PHRF1: variants seen among roughly 807,000 people sequenced by gnomAD.
PHRF1 encodes the protein PHD and RING finger domain-containing protein 1.
PHRF1 carries 53 observed loss-of-function variants against 128.9 expected under a neutral mutation model. The observed-to-expected ratio is 0.41, with a 90% confidence interval of 0.33 to 0.52. The LOEUF is 0.52. PHRF1 is among the 20% of genes least tolerant of loss of function. PHRF1 has a pLI of 0.21. For missense variants in PHRF1, 2,503 were observed against 2,284.5 expected (o/e 1.10, Z -1.95); for synonymous variants, 1,178 against 980.6 (o/e 1.20, Z -3.76).
At chr11:592,463 G>A in intron 5 of PHRF1, 96 bp from the exon 6 acceptor site, 3 of 1,220,118 alleles carry the variant, frequency 2.5e-6, no homozygotes, top group Admixed American at 3.4e-5. Flanking sequence ...TGAATCTAAG[G>A]CAATGGGTGG....
chr11:606,372 G>T, intron 12 of PHRF1, 70 bp from the exon 13 acceptor site: 1 of 1,469,582 alleles, frequency 6.8e-7, no homozygotes, highest in South Asian at 1.3e-5. Flanking sequence ...CTGCTGCGGG[G>T]CTCTGCCTGG....
chr11:583,406 A>G (rs1165723725), intron 3 of PHRF1, among the ~76,000 whole-genome samples: 2 of 151,290 alleles, frequency 1.3e-5, no homozygotes, highest in Non-Finnish European at 2.9e-5. Context: ...AATCCCCACT[A>G]CTCAGGAGGC....
chr11:607,317 G>C lies in PHRF1; in HGVS notation c.1861G>C (p.Val621Leu). ...GGCTCGGAACTTGTCAAATGGGAGT[G>C]TGCCTGGCTTCAGACAGAGCCACAG... Reference protein sequence around the residue: ...VQARNLSNGSVPGFRQSHSPW... With the variant: ...VQARNLSNGSLPGFRQSHSPW... The change falls in exon 14 of 18, where the codon GTG (valine) becomes CTG (leucine). Residue 621 changes from valine (V) to leucine (L), a missense_variant. Transcript: ENST00000264555. The C allele has an allele frequency of 6.2e-7, 1 of 1,612,704 alleles. No individual in the cohort carries two copies. The highest frequency in any genetic ancestry group is 1.1e-5 in the South Asian group (1 of 91,088).
intron 3 of PHRF1, among the ~76,000 whole-genome samples, chr11:585,744 G>A (rs111688385): frequency 2.0e-4 from 30 of 147,372 alleles, no homozygotes; most frequent in Middle Eastern, 3.3e-3. Context: ...GCAGCAGCAC[G>A]ATCTCAGTTC....
At chr11:598,827 C>T (rs907917724) in intron 9 of PHRF1, among the ~76,000 whole-genome samples, 3 of 152,224 alleles carry the variant, frequency 2.0e-5, no homozygotes, top group Non-Finnish European at 4.4e-5. Context: ...TGTCAGAATA[C>T]GCCCTGAAGC....
At chr11:586,273 G>A (rs892640052) in intron 3 of PHRF1, among the ~76,000 whole-genome samples, 5 of 152,090 alleles carry the variant, frequency 3.3e-5, no homozygotes, top group Admixed American at 6.6e-5. Flanking sequence ...GATTACAGGC[G>A]TGAGCCACCA....
intron 11 of PHRF1, 36 bp from the exon 12 acceptor site, chr11:605,569 T>A: frequency 6.2e-7 from 1 of 1,604,232 alleles, no homozygotes; most frequent in Non-Finnish European, 8.5e-7. Context: ...GAGCTGGGAG[T>A]CACTTGTTCC....
intron 8 of PHRF1, among the ~76,000 whole-genome samples, 179 bp from the exon 9 acceptor site, chr11:598,194 C>A (rs1033077895): frequency 1.3e-5 from 2 of 152,188 alleles, no homozygotes; most frequent in African/African-American, 4.8e-5. Context: ...CGTGGGAGTG[C>A]TTGGCAGCCT....
intron 4 of PHRF1, among the ~76,000 whole-genome samples, chr11:589,563 C>T (rs753601819): frequency 1.1e-4 from 11 of 101,650 alleles, no homozygotes; most frequent in African/African-American, 2.9e-4. Flanking sequence ...TAGAAGAGGC[C>T]TGGACACACT....
In PHRF1 at chr11:605,145, C is replaced by A. The variant is rs374487395; in HGVS notation, c.1179C>A (p.Ile393=). Residue 393 remains isoleucine, a synonymous_variant, in exon 11 of 18, where the codon ATC becomes ATA. Coordinates refer to ENST00000264555, the MANE Select transcript of PHRF1 (RefSeq NM_001286581.2). ...VKSEATTRSR[I]ARTLGLRRPV... is the part of the protein sequence containing the mutation. ...GTGAAGCCACCACTCGCTCTCGAATCGCGCGGACGCTGGGCCTGCGCAGGC... is the reference window on the plus strand; with the variant it reads ...GTGAAGCCACCACTCGCTCTCGAATAGCGCGGACGCTGGGCCTGCGCAGGC... The A allele has an allele frequency of 5.6e-6, 9 of 1,612,016 alleles. No homozygotes were observed. The African/African-American group carries it at 9.3e-5, about 17-fold the overall frequency.
At position 583,106 on chromosome 11, in the gene PHRF1, C is replaced by T. The variant is rs958193551; in HGVS notation, c.214+1025C>T. On this transcript the variant is annotated intron_variant, in intron 3 of 17. Transcript: ENST00000264555. ...CTGTAATCCCAGCACTTTGGGAGGC[C>T]GAGGCGGGCGGATCAGGAGGTCAGG... Among the ~76,000 whole-genome samples, 18 of 151,146 alleles carry T rather than the reference C, an allele frequency of 1.2e-4. 1 individual carries two copies. Among genetic ancestry groups the T allele is most frequent in the Middle Eastern group, 3.2e-3 (1 of 314 alleles).
intron 13 of PHRF1, 122 bp downstream of exon 13, chr11:606,718 C>CA (rs1855971609): frequency 7.4e-7 from 1 of 1,357,644 alleles, no homozygotes; most frequent in African/African-American, 1.5e-5. Flanking sequence ...GACCATTCCT[C>CA]AGCCATTTTT....
chr11:611,697 G>A lies in PHRF1; in HGVS notation c.4870G>A (p.Val1624Met), dbSNP rs1315887843. 3 of 1,613,156 alleles carry A rather than the reference G, an allele frequency of 1.9e-6. No homozygotes were observed. Among genetic ancestry groups the A allele is most frequent in the Non-Finnish European group, 2.5e-6 (3 of 1,179,844 alleles). ...GGTGGCCAACCTGGTGAAGGCGTAC[G>A]TGGACAAGTACAGGCACATGCGCAG... ...VKVANLVKAY[V>M]DKYRHMRRHK... Residue 1624 changes from valine to methionine, a missense_variant, in exon 18 of 18, where the codon GTG becomes ATG. By Grantham distance (21) the Val-to-Met change is conservative. Transcript: ENST00000264555.
chr11:597,613 C>T lies in PHRF1; in HGVS notation c.894+43C>T. On this transcript the variant is annotated intron_variant, in intron 8 of 17. Transcript: ENST00000264555. This position sits in a 1 kb window ranked among gnomAD's most constrained non-coding sequence, Gnocchi z 6.5. ...GACGCCAGTCGTAGAACCCCAGCTG[C>T]CCAGAGTGATCTCGGCAGTCTGGGT... The T allele has an allele frequency of 6.4e-7, 1 of 1,570,990 alleles. No homozygotes were observed. Among genetic ancestry groups the T allele is most frequent in the Non-Finnish European group, 8.6e-7 (1 of 1,159,028 alleles).
chr11:597,172 G>A lies in PHRF1; in HGVS notation c.718+152G>A, dbSNP rs971012910. On this transcript the variant is annotated intron_variant, in intron 7 of 17. Coordinates refer to ENST00000264555, the MANE Select transcript of PHRF1 (RefSeq NM_001286581.2). This position sits in a 1 kb window ranked among gnomAD's most constrained non-coding sequence, Gnocchi z 6.5. ...GGCTGCGGTGTCGGGAGGACATCTA[G>A]GGCTGTCTCGGGCTCGTCTTCTCGG... is the stretch of plus-strand genomic sequence containing the variant. Among the ~76,000 whole-genome samples, 2 of 151,994 alleles carry A rather than the reference G, an allele frequency of 1.3e-5. No homozygotes were observed. Among genetic ancestry groups the A allele is most frequent in the African/African-American group, 4.8e-5 (2 of 41,370 alleles).
chr11:606,533 C>G lies in PHRF1; in HGVS notation c.1546C>G (p.Leu516Val). ...LGSILSGQSL[L>V]MLGSSDVIIH... ...CAGCATCCTGTCGGGCCAGAGCCTC[C>G]TGATGCTGGGCAGCAGTGATGTCAT... is the stretch of plus-strand genomic sequence containing the variant. The change falls in exon 13 of 18, where the codon CTG (leucine) becomes GTG (valine). Residue 516 changes from leucine (L) to valine (V), a missense_variant. Leu to Val is a conservative substitution (Grantham distance 32). Transcript: ENST00000264555. 6.2e-7 allele frequency: 1 copy of G among 1,610,686 alleles called. No individual in the cohort carries two copies.
At chr11:605,812 T>C (rs1336336003) in intron 12 of PHRF1, 88 bp downstream of exon 12, 9 of 1,476,598 alleles carry the variant, frequency 6.1e-6, no homozygotes, top group Non-Finnish European at 8.0e-6. Context: ...ATAGCCTGGC[T>C]CTCTGTGGCC....
Position 608,301 on chromosome 11 carries a change from T to G in PHRF1, c.2845T>G (p.Cys949Gly). 6.2e-7 allele frequency: 1 copy of G among 1,609,544 alleles called. No homozygotes were observed. The highest frequency in any genetic ancestry group is 8.5e-7 in the Non-Finnish European group (1 of 1,179,050). ...CTGGGATGAGGAGGATGGGGCGTCT[T>G]GCAGCACCTTCTTTGGCTCTGAGGA... Reference protein sequence around the residue: ...EPWDEEDGASCSTFFGSEERT... With the variant: ...EPWDEEDGASGSTFFGSEERT... Residue 949 changes from cysteine (C) to glycine (G), a missense_variant, in exon 14 of 18, where the codon TGC becomes GGC. Coordinates refer to ENST00000264555, the MANE Select transcript of PHRF1 (RefSeq NM_001286581.2).
At chr11:605,010 G>T (rs950250775) in intron 10 of PHRF1, 109 bp from the exon 11 acceptor site, 1 of 1,132,886 alleles carries the variant, frequency 8.8e-7, no homozygotes, top group African/African-American at 1.6e-5. Context: ...AGTATTTTCC[G>T]GCTCTAGTGT....
Sources: allele counts gnomAD v4.1 joint callset (sites outside exome capture counted in the v4.1 genomes callset), GRCh38; gene constraint gnomAD v4.1.1; non-coding constraint Gnocchi (gnomAD v3.1); transcripts MANE v1.5; gene names NCBI Gene and HGNC (gene_info 2026-07-23, HGNC 2026-07-21).